The following CACNA1E variants were observed in gnomAD, a reference collection of about 807,000 sequenced individuals.
The protein encoded by CACNA1E is calcium voltage-gated channel subunit alpha1 E, also known as voltage-dependent R-type calcium channel subunit alpha-1E.
CACNA1E carries 40 observed loss-of-function variants against 259.2 expected under a neutral mutation model. The observed-to-expected ratio is 0.15, with a 90% CI of 0.12 to 0.20. CACNA1E has a LOEUF of 0.20. CACNA1E is among the 10% of genes least tolerant of loss of function. The probability of loss-of-function intolerance (pLI) is 1.00; values close to 1 mark genes in which losing one functional copy is unlikely to be tolerated. For missense variants in CACNA1E, 1,874 were observed against 3,040.1 expected (o/e 0.62, Z 9.02); for synonymous variants, 1,104 against 1,138.5 (o/e 0.97, Z 0.61).
intron 18 of CACNA1E, among the ~76,000 whole-genome samples, chr1:181,727,801 G>A (rs1655051030): frequency 6.6e-6 from 1 of 152,180 alleles, no homozygotes; most frequent in African/African-American, 2.4e-5. Context: ...TCCTGGCAAT[G>A]ACCCTGTCAT....
At chr1:181,666,369 G>T (rs1648226727) in intron 7 of CACNA1E, among the ~76,000 whole-genome samples, 1 of 152,048 alleles carries the variant, frequency 6.6e-6, no homozygotes, top group Admixed American at 6.6e-5. Flanking sequence ...AAAAATCCCT[G>T]CCCTCATAAA....
chr1:181,564,141 A>G (rs539879445), intron 3 of CACNA1E, among the ~76,000 whole-genome samples: 37 of 152,298 alleles, frequency 2.4e-4, no homozygotes, highest in African/African-American at 8.7e-4. Flanking sequence ...AAATAAGACA[A>G]GAACAAACTT....
chr1:181,499,551 T>G (rs537025009), intron 1 of CACNA1E, among the ~76,000 whole-genome samples: 65 of 152,334 alleles, frequency 4.3e-4, no homozygotes, highest in African/African-American at 1.5e-3. Flanking sequence ...AAGGTGCCTT[T>G]CAGTTCCCAC....
chr1:181,755,966 G>A lies in CACNA1E; in HGVS notation c.4000G>A (p.Val1334Ile). Residue 1334 changes from valine (V) to isoleucine (I), a missense_variant, in exon 29 of 48, where the codon GTA (valine) becomes ATA (isoleucine). Coordinates refer to ENST00000367573, the MANE Select transcript of CACNA1E (RefSeq NM_001205293.3). ...DTEKECIGNY[V>I]DHEKNKMEVK... ...CTGCTCTGGTTTTAGAGGCAACTAT[G>A]TAGATCATGAGAAAAACAAGATGGA... The A allele has an allele frequency of 6.2e-7, 1 of 1,613,834 alleles. No homozygotes were observed. Among genetic ancestry groups the A allele is most frequent in the Non-Finnish European group, 8.5e-7 (1 of 1,179,796 alleles).
chr1:181,490,142 C>T (rs1664185925), intron 1 of CACNA1E, among the ~76,000 whole-genome samples: 1 of 152,114 alleles, frequency 6.6e-6, no homozygotes, highest in Non-Finnish European at 1.5e-5. Flanking sequence ...GCTTGACGAG[C>T]CCCAGTGTCC....
At chr1:181,471,113 G>C (rs767082872) in intron 2 of CACNA1E, among the ~76,000 whole-genome samples, 1 of 152,128 alleles carries the variant, frequency 6.6e-6, no homozygotes, top group Non-Finnish European at 1.5e-5. Flanking sequence ...GCAGACAGCT[G>C]ATGGACAAAA....
chr1:181,772,356 C>T, intron 37 of CACNA1E, 125 bp downstream of exon 37: 2 of 882,884 alleles, frequency 2.3e-6, no homozygotes. Flanking sequence ...CCTCTCTCCA[C>T]ACCCCCACCA....
intron 1 of CACNA1E, among the ~76,000 whole-genome samples, chr1:181,375,519 T>C (rs1655044478): frequency 6.6e-6 from 1 of 152,220 alleles, no homozygotes; most frequent in South Asian, 2.1e-4. Flanking sequence ...AGCAAACTTT[T>C]GTTTGGTGCT....
chr1:181,568,682 A>T (rs960661982), intron 3 of CACNA1E, among the ~76,000 whole-genome samples: 2 of 152,024 alleles, frequency 1.3e-5, no homozygotes, highest in Non-Finnish European at 2.9e-5. Context: ...TGCAGCCTCT[A>T]TCTCCTGGGG....
At chr1:181,597,088 T>C (rs1653250063) in intron 6 of CACNA1E, among the ~76,000 whole-genome samples, 1 of 152,176 alleles carries the variant, frequency 6.6e-6, no homozygotes, top group Non-Finnish European at 1.5e-5. Context: ...AATCATCTCC[T>C]TATCTCTCAT....
chr1:181,360,987 G>A (rs61813938), intron 1 of CACNA1E, among the ~76,000 whole-genome samples: 6,100 of 152,148 alleles, frequency 0.04, 131 homozygotes, highest in Non-Finnish European at 0.044. Context: ...ACCTTTGAAG[G>A]GTGGGAGGCA....
intron 3 of CACNA1E, among the ~76,000 whole-genome samples, chr1:181,571,161 A>G (rs1231535701): frequency 6.6e-6 from 1 of 152,176 alleles, no homozygotes; most frequent in African/African-American, 2.4e-5. Context: ...GGAAGGCACT[A>G]TCTCCTTTTT....
chr1:181,484,350 G>A (rs1663587112), intron 1 of CACNA1E, among the ~76,000 whole-genome samples: 1 of 151,512 alleles, frequency 6.6e-6, no homozygotes, highest in Admixed American at 6.6e-5. Flanking sequence ...AGATTGGGTT[G>A]CCCCAATGCT....
chr1:181,408,991 G>A (rs552100040), intron 1 of CACNA1E, among the ~76,000 whole-genome samples: 8 of 150,604 alleles, frequency 5.3e-5, no homozygotes, highest in Non-Finnish European at 1.0e-4. Context: ...TTTTTGCCAG[G>A]TTCTCTGTAG....
chr1:181,585,324 T>C (rs3856093), intron 6 of CACNA1E, among the ~76,000 whole-genome samples: 56,801 of 151,986 alleles, frequency 0.37, 10,788 homozygotes, highest in South Asian at 0.47. Context: ...CCTGAACTCA[T>C]AGTAAAGGCT....
chr1:181,535,386 T>C (rs1462287216), intron 3 of CACNA1E, among the ~76,000 whole-genome samples: 1 of 104,212 alleles, frequency 9.6e-6, no homozygotes, highest in Non-Finnish European at 1.9e-5. Context: ...AGAGAAAAAA[T>C]GTATGCTGCA....
rs145221873 is a variant in CACNA1E at position 181,488,532 on chromosome 1, T to C, written c.266+4522T>C. Among the ~76,000 whole-genome samples, 333 of 152,280 alleles carry C rather than the reference T, an allele frequency of 2.2e-3. 2 individuals carry two copies. Among genetic ancestry groups the C allele is most frequent in the Non-Finnish European group, 3.5e-3 (237 of 68,024 alleles). ...TTGGCTTTGCTTTTGATATGAAGTG[T>C]GGGTAATGTTTCATGTGGAAACCAG... On this transcript the variant is annotated intron_variant, in intron 1 of 47. Coordinates refer to ENST00000367573, the MANE Select transcript of CACNA1E (RefSeq NM_001205293.3).
chr1:181,765,659 A>G (rs1386756585), intron 34 of CACNA1E, among the ~76,000 whole-genome samples: 1 of 152,210 alleles, frequency 6.6e-6, no homozygotes, highest in Non-Finnish European at 1.5e-5. Flanking sequence ...GATGTGCACA[A>G]TCAAGACAGG....
chr1:181,653,282 G>A (rs952228986), intron 7 of CACNA1E, among the ~76,000 whole-genome samples: 1 of 152,084 alleles, frequency 6.6e-6, no homozygotes, highest in African/African-American at 2.4e-5. Context: ...GGTGTTGTGG[G>A]AGGGACCTGG....
Sources: gnomAD v4.1 joint callset for allele counts (sites outside exome capture counted in the v4.1 genomes callset) on GRCh38, gnomAD v4.1.1 for gene constraint, MANE v1.5 for transcripts, NCBI Gene and HGNC (gene_info 2026-07-23, HGNC 2026-07-21) for gene names.